Variants in NCKAP1 observed in about 807,000 individuals in gnomAD.
The protein encoded by NCKAP1 is NCK associated protein 1, also known as nck-associated protein 1.
Under a neutral mutation model 151.2 loss-of-function variants are expected in NCKAP1, and 21 were observed. The ratio of observed to expected loss-of-function variants is 0.14; its 90% CI spans 0.10 to 0.20. NCKAP1 has a LOEUF of 0.20. Among genes scored for constraint, NCKAP1 ranks in the 10% least tolerant of loss-of-function variants. NCKAP1 has a pLI of 1.00. For synonymous variants in NCKAP1, 484 were observed against 451.8 expected (o/e 1.07, Z -0.90); for missense variants, 933 against 1,352.1 (o/e 0.69, Z 4.86).
chr2:182,930,145 A>G (rs1409579793), intron 27 of NCKAP1, among the ~76,000 whole-genome samples: 1 of 151,882 alleles, frequency 6.6e-6, no homozygotes, highest in African/African-American at 2.4e-5. Context: ...TCCCTTTACA[A>G]TAGAACTCTT....
intron 1 of NCKAP1, among the ~76,000 whole-genome samples, chr2:183,036,673 C>G (rs529831539): frequency 1.3e-5 from 2 of 152,204 alleles, no homozygotes; most frequent in African/African-American, 4.8e-5. Flanking sequence ...AGTAATAAAG[C>G]CTTGCAATTA....
chr2:182,960,266 A>C (rs1311210450), intron 18 of NCKAP1, among the ~76,000 whole-genome samples: 2 of 152,226 alleles, frequency 1.3e-5, no homozygotes, highest in Admixed American at 1.3e-4. Flanking sequence ...AAGAGCCCGC[A>C]TTGCCAAGTC....
At position 182,934,011 on chromosome 2, in the gene NCKAP1, A is replaced by G. The variant is rs568225822; in HGVS notation, c.2859+741T>C. Among the ~76,000 whole-genome samples, 26 of 152,310 alleles carry G rather than the reference A, an allele frequency of 1.7e-4. No homozygotes were observed. In the East Asian group the frequency reaches 5.0e-3, roughly 29 times the overall value. On this transcript the variant is annotated intron_variant, in intron 26 of 30. Transcript: ENST00000361354. ...GCTGTTTTATATATATATTACATAT[A>G]ATAGAATACTAAAAATCTTTTTAAA...
chr2:182,971,922 A>G (rs1697705036), intron 15 of NCKAP1, among the ~76,000 whole-genome samples: 1 of 152,192 alleles, frequency 6.6e-6, no homozygotes, highest in South Asian at 2.1e-4. Context: ...ATCAAAATGA[A>G]TTAAAGACTT....
At chr2:182,934,940 C>T (rs192510231) in intron 25 of NCKAP1, 108 bp from the exon 26 acceptor site, 7 of 581,224 alleles carry the variant, frequency 1.2e-5, no homozygotes, top group Non-Finnish European at 2.1e-5. Flanking sequence ...AATTATTTTA[C>T]TTTATCTACT....
chr2:182,928,122 G>A lies in NCKAP1; in HGVS notation c.3175C>T (p.Leu1059=). The part of the protein sequence containing the change: ...GSIEDRLKEF[L]ALASSSLLKI... The stretch of plus-strand genomic sequence containing the variant: ...TGTTATTTGATTATACATACCGCCA[G>A]AAATTCTTTAAGACGGTCTTCAATG... Residue 1059 remains leucine (L), a synonymous_variant, in exon 29 of 31, where the codon CTG becomes TTG. Coordinates refer to ENST00000361354, the MANE Select transcript of NCKAP1 (RefSeq NM_013436.5). The A allele has an allele frequency of 6.3e-7, 1 of 1,595,648 alleles. No homozygotes were observed. Among genetic ancestry groups the A allele is most frequent in the Non-Finnish European group, 8.6e-7 (1 of 1,166,092 alleles).
chr2:183,023,620 G>A (rs1001384185), intron 2 of NCKAP1, among the ~76,000 whole-genome samples, 186 bp downstream of exon 2: 6 of 151,980 alleles, frequency 3.9e-5, no homozygotes, highest in South Asian at 2.1e-4. Flanking sequence ...TGGCAATGTC[G>A]TTAAGAGTTA....
chr2:182,964,587 T>G, intron 17 of NCKAP1, 89 bp downstream of exon 17: 1 of 1,159,084 alleles, frequency 8.6e-7, no homozygotes, highest in South Asian at 2.5e-5. Context: ...CTAAGTTAGC[T>G]AATTATGACT....
chr2:182,985,731 A>G (rs1005896635), intron 10 of NCKAP1, among the ~76,000 whole-genome samples: 93 of 148,270 alleles, frequency 6.3e-4, no homozygotes, highest in African/African-American at 2.3e-3. Context: ...TGAACCCGGG[A>G]GGTGGAGACT....
intron 8 of NCKAP1, among the ~76,000 whole-genome samples, chr2:182,989,995 AT>A (rs1428729644): frequency 6.7e-6 from 1 of 148,404 alleles, no homozygotes; most frequent in African/African-American, 2.5e-5. Context: ...GTCTCAAAAA[AT>A]ATATATATAT....
At chr2:183,018,784 G>A (rs1266801246) in intron 2 of NCKAP1, among the ~76,000 whole-genome samples, 2 of 152,142 alleles carry the variant, frequency 1.3e-5, no homozygotes, top group Non-Finnish European at 2.9e-5. Context: ...GTATCAAATA[G>A]TTCCATTCAT....
rs1183824021 is a variant in NCKAP1, at chr2:182,910,284, G to A, written c.*15418C>T. ...CACTCAAGCTACAGTTTTTGATTGA[G>A]TAGGAAAGCCAGCATGATTTGTGTT... On this transcript the variant is annotated 3_prime_UTR_variant, in exon 31 of 31. Coordinates refer to ENST00000361354, the MANE Select transcript of NCKAP1 (RefSeq NM_013436.5). 6.6e-6 allele frequency: 1 copy of A among 152,218 alleles called. No individual in the cohort carries two copies. Among genetic ancestry groups the A allele is most frequent in the African/African-American group, 2.4e-5 (1 of 41,436 alleles). The allele number at this position is 152,218 out of a possible 1,614,324, so 9.4% of individuals were successfully genotyped here.
chr2:182,986,018 T>C (rs1698049580), intron 10 of NCKAP1, among the ~76,000 whole-genome samples, 153 bp downstream of exon 10: 1 of 152,152 alleles, frequency 6.6e-6, no homozygotes, highest in Admixed American at 6.5e-5. Context: ...TTCTACATAT[T>C]GAGGCAATAT....
rs1696359427 is a variant in NCKAP1 at position 182,909,786 on chromosome 2, CAGAAT to C, written c.*15911_*15915del. The C allele has an allele frequency of 6.6e-6, 1 of 152,162 alleles. No individual in the cohort carries two copies. The highest frequency in any genetic ancestry group is 1.5e-5 in the Non-Finnish European group (1 of 68,014). The allele number at this position is 152,162 out of a possible 1,614,324, so 9.4% of individuals were successfully genotyped here. A position where few individuals can be genotyped will look rare whatever the true frequency, so the allele number is the denominator to read the frequency against. On this transcript the variant is annotated 3_prime_UTR_variant, in exon 31 of 31. Transcript: ENST00000361354. ...CATTTTGAATTTGATTTGTAGTTCT[CAGAAT>C]AGAACAGGGAGCCCAACCTGAGCTG...
chr2:183,007,491 A>C (rs1235788617), intron 2 of NCKAP1, among the ~76,000 whole-genome samples: 3 of 152,232 alleles, frequency 2.0e-5, no homozygotes, highest in African/African-American at 7.2e-5. Flanking sequence ...CCAAAGAAAA[A>C]GCAATGGCAA....
intron 6 of NCKAP1, among the ~76,000 whole-genome samples, chr2:183,000,482 A>G (rs1698355624): frequency 6.6e-6 from 1 of 152,180 alleles, no homozygotes; most frequent in Non-Finnish European, 1.5e-5. Flanking sequence ...ATCCAGAGAG[A>G]AAAGAGGAGA....
chr2:182,986,251 C>T lies in NCKAP1; in HGVS notation c.948-24G>A, dbSNP rs778038178. On this transcript the variant is annotated intron_variant, in intron 9 of 30. Coordinates refer to ENST00000361354, the MANE Select transcript of NCKAP1 (RefSeq NM_013436.5). ...AGCTAGGTGCAAAAACAAATTAGAACGTTAGTTTAATTTGATCAATAACTG... is the reference window on the plus strand; with the variant it reads ...AGCTAGGTGCAAAAACAAATTAGAATGTTAGTTTAATTTGATCAATAACTG... 1.7e-5 allele frequency: 26 copies of T among 1,572,196 alleles called. No individual in the cohort carries two copies. The East Asian group carries it at 2.5e-4, about 15-fold the overall frequency.
At chr2:182,988,710 C>T (rs1698106266) in intron 9 of NCKAP1, among the ~76,000 whole-genome samples, 1 of 152,020 alleles carries the variant, frequency 6.6e-6, no homozygotes, top group African/African-American at 2.4e-5. Context: ...AAATTTTAAA[C>T]CTCTAAAATG....
intron 8 of NCKAP1, 90 bp downstream of exon 8, chr2:182,994,749 A>G (rs1047636562): frequency 5.8e-6 from 6 of 1,042,372 alleles, no homozygotes; most frequent in Admixed American, 1.9e-5. Context: ...GCACAATGCT[A>G]AGCACAGAGG....
Sources: gnomAD v4.1 joint callset for allele counts (sites outside exome capture counted in the v4.1 genomes callset) on GRCh38, gnomAD v4.1.1 for gene constraint, MANE v1.5 for transcripts, NCBI Gene and HGNC (gene_info 2026-07-23, HGNC 2026-07-21) for gene names.